The following TMEM179 variants were observed in gnomAD, a reference collection of about 807,000 sequenced individuals.
The protein encoded by TMEM179 is transmembrane protein 179A.
TMEM179 carries 17 observed loss-of-function variants against 22.2 expected under a neutral mutation model. The ratio of observed to expected loss-of-function variants is 0.77; its 90% CI spans 0.52 to 1.15. The LOEUF (loss-of-function observed/expected upper bound fraction) is 1.15. Among genes scored for constraint, TMEM179 ranks in the 50% most tolerant of loss-of-function variants. TMEM179 has a pLI of 0.00. For synonymous variants in TMEM179, 127 were observed against 140.5 expected, an observed-to-expected ratio of 0.90 and a Z score of 0.68; for missense variants, 265 against 313.6, an observed-to-expected ratio of 0.84 and a Z score of 1.17.
Position 104,597,016 on chromosome 14 carries a change from G to A in TMEM179, c.417C>T (p.Ile139=), listed in dbSNP as rs1887048444. 5 of 1,608,934 alleles carry A rather than the reference G, an allele frequency of 3.1e-6. No individual in the cohort carries two copies. The East Asian group carries it at 1.1e-4, about 36-fold the overall frequency. Residue 139 remains isoleucine (I), a synonymous_variant, in exon 2 of 4, where the codon ATC becomes ATT. Transcript: ENST00000556573. This position sits in a 1 kb window ranked among gnomAD's most constrained non-coding sequence, Gnocchi z 4.8. ...SVGFTMWCDT[I]TEKGTVPHSC... is the part of the protein sequence containing the mutation. ...TGTGGGGTACGGTGCCCTTCTCGGT[G>A]ATGGTGTCGCACCACATGGTGAAGC... is the stretch of plus-strand genomic sequence containing the variant.
chr14:104,603,623 T>G, intron 1 of TMEM179, among the ~76,000 whole-genome samples: 1 of 106,738 alleles, frequency 9.4e-6, no homozygotes, highest in African/African-American at 3.7e-5. Flanking sequence ...AGGTGGTAGA[T>G]GGGCTCACAG....
At chr14:104,598,229 T>G in intron 1 of TMEM179, among the ~76,000 whole-genome samples, 1 of 151,208 alleles carries the variant, frequency 6.6e-6, no homozygotes, top group African/African-American at 2.4e-5. Flanking sequence ...GGAGAGGGGG[T>G]AGGGATAGGG....
intron 3 of TMEM179, chr14:104,594,873 C>G (rs1886964289): frequency 7.6e-7 from 1 of 1,322,888 alleles, no homozygotes; most frequent in East Asian, 3.2e-5. Flanking sequence ...TCTGGCACCA[C>G]CTCCCCCCAC....
rs1439222584 is a variant in TMEM179 at position 104,591,301 on chromosome 14, C to T, written c.*2178G>A. ...CCTCAGGTTCCAGAAGCCACCCCTG[C>T]CTCCTGCCCCTCCTTCAGGGCCCTA... On this transcript the variant is annotated 3_prime_UTR_variant, in exon 4 of 4. Coordinates refer to ENST00000556573, the MANE Select transcript of TMEM179 (RefSeq NM_001286389.2). 2.2e-6 allele frequency: 1 copy of T among 447,984 alleles called. No individual in the cohort carries two copies. Among genetic ancestry groups the T allele is most frequent in the Non-Finnish European group, 4.5e-6 (1 of 224,076 alleles). The allele number at this position is 447,984 out of a possible 1,614,324, so 27.8% of individuals were successfully genotyped here.
Position 104,595,314 on chromosome 14 carries a change from G to T in TMEM179, c.444-71C>A. 2.1e-6 allele frequency: 3 copies of T among 1,459,958 alleles called. No homozygotes were observed. Among genetic ancestry groups the T allele is most frequent in the Non-Finnish European group, 2.8e-6 (3 of 1,065,314 alleles). The allele number at this position is 1,459,958 out of a possible 1,614,324, so 90.4% of individuals were successfully genotyped here. A position where few individuals can be genotyped will look rare whatever the true frequency, so the allele number is the denominator to read the frequency against. On this transcript the variant is annotated intron_variant, in intron 2 of 3. Coordinates refer to ENST00000556573, the MANE Select transcript of TMEM179 (RefSeq NM_001286389.2). The surrounding 1 kb of genome is among the most constrained non-coding windows in gnomAD (Gnocchi z 5.7). ...AGTGCGGGACATGGCTGAGCCGCTG[G>T]CCAGAGAGCCAGGAGCTTTGCCCTA...
At chr14:104,603,253 A>AC in intron 1 of TMEM179, among the ~76,000 whole-genome samples, 1 of 152,088 alleles carries the variant, frequency 6.6e-6, no homozygotes, top group South Asian at 2.1e-4. Flanking sequence ...AGCCAAAACC[A>AC]AGCGGTGGGC....
chr14:104,593,989 C>T, intron 3 of TMEM179: 1 of 1,174,336 alleles, frequency 8.5e-7, no homozygotes, highest in Non-Finnish European at 1.1e-6. Context: ...GTGCTTTCTC[C>T]TCCAGCAGCT....
chr14:104,602,950 G>T (rs1887288939), intron 1 of TMEM179, among the ~76,000 whole-genome samples: 1 of 152,212 alleles, frequency 6.6e-6, no homozygotes, highest in Admixed American at 6.5e-5. Flanking sequence ...CTGGATCTCA[G>T]GATATCTCCC....
chr14:104,600,632 A>G (rs1286183698), intron 1 of TMEM179, among the ~76,000 whole-genome samples: 2 of 152,186 alleles, frequency 1.3e-5, no homozygotes, highest in African/African-American at 4.8e-5. Context: ...TCATTCATTC[A>G]TTCATTCACT....
intron 1 of TMEM179, among the ~76,000 whole-genome samples, chr14:104,600,611 T>C (rs1397032547): frequency 1.3e-5 from 2 of 150,854 alleles, no homozygotes; most frequent in African/African-American, 5.0e-5. Context: ...TTCATTCATT[T>C]ACTCATTCAT....
In TMEM179 at chr14:104,591,456, G is replaced by A. The variant is rs943530854; in HGVS notation, c.*2023C>T. 1.1e-5 allele frequency: 5 copies of A among 455,424 alleles called. No homozygotes were observed. Among genetic ancestry groups the A allele is most frequent in the African/African-American group, 1.0e-4 (5 of 50,044 alleles). 28.2% of individuals were successfully genotyped at this position (455,424 alleles called of 1,614,324 possible). ...CATGTCCAGTGGGTCAGGGCTGGAA[G>A]GGGAGACAGGGGACCCCATCAGCTT... On this transcript the variant is annotated 3_prime_UTR_variant, in exon 4 of 4. Transcript: ENST00000556573.
At position 104,591,487 on chromosome 14, in the gene TMEM179, G is replaced by A. The variant is rs1466121656; in HGVS notation, c.*1992C>T. 2 of 449,888 alleles carry A rather than the reference G, an allele frequency of 4.4e-6. No individual in the cohort carries two copies. Among genetic ancestry groups the A allele is most frequent in the East Asian group, 7.0e-5 (1 of 14,346 alleles). The allele number at this position is 449,888 out of a possible 1,614,324, so 27.9% of individuals were successfully genotyped here. ...ACAGGGGACCCCATCAGCTTAGGGG[G>A]CCTCGGATTCTGTCCAAACCCCTTC... On this transcript the variant is annotated 3_prime_UTR_variant, in exon 4 of 4. Transcript: ENST00000556573.
chr14:104,604,404 AG>A lies in TMEM179; in HGVS notation c.305+32del. The A allele has an allele frequency of 6.8e-7, 1 of 1,471,572 alleles. No homozygotes were observed. Among genetic ancestry groups the A allele is most frequent in the Non-Finnish European group, 8.9e-7 (1 of 1,118,652 alleles). 91.2% of individuals were successfully genotyped at this position (1,471,572 alleles called of 1,614,324 possible). On this transcript the variant is annotated intron_variant, in intron 1 of 3. Transcript: ENST00000556573. The surrounding 1 kb of genome is among the most constrained non-coding windows in gnomAD (Gnocchi z 4.6). The stretch of plus-strand genomic sequence containing the variant: ...GGTCTGGGGGCGCTGGGGGCATGGA[AG>A]GGGCGCCGCGCCGGGAGCGGCCCCC...
At chr14:104,596,152 G>A (rs183522444) in intron 2 of TMEM179, among the ~76,000 whole-genome samples, 35 of 152,360 alleles carry the variant, frequency 2.3e-4, no homozygotes, top group African/African-American at 7.7e-4. Flanking sequence ...GTGGAGGCAC[G>A]GAACAGACAG....
Position 104,604,566 on chromosome 14 carries a change from C to T in TMEM179, c.176G>A (p.Arg59His). The change falls in exon 1 of 4, where the codon CGC (arginine) becomes CAC (histidine). Residue 59 changes from arginine to histidine, a missense_variant. Arg to His is a conservative substitution (Grantham distance 29). Coordinates refer to ENST00000556573, the MANE Select transcript of TMEM179 (RefSeq NM_001286389.2). The surrounding 1 kb of genome is among the most constrained non-coding windows in gnomAD (Gnocchi z 4.6). Reference protein sequence around the residue: ...SANLTVQERERFTVQEWGPPA... With the variant: ...SANLTVQEREHFTVQEWGPPA... ...CGGGCCCCACTCCTGCACCGTGAAG[C>T]GCTCGCGCTCCTGCACCGTGAGGTT... 6.5e-7 allele frequency: 1 copy of T among 1,532,862 alleles called. No individual in the cohort carries two copies. 95.0% of individuals were successfully genotyped at this position (1,532,862 alleles called of 1,614,324 possible). A position where few individuals can be genotyped will look rare whatever the true frequency, so the allele number is the denominator to read the frequency against.
At position 104,597,143 on chromosome 14, in the gene TMEM179, G is replaced by A; in HGVS notation, c.306-16C>T. The stretch of plus-strand genomic sequence containing the variant: ...GAAGAAGGAGCTGCAGCCAGAAACA[G>A]GAGGGGCAGGCTCACTGGACACCAC... On this transcript the variant is annotated splice_polypyrimidine_tract_variant and intron_variant, in intron 1 of 3. Coordinates refer to ENST00000556573, the MANE Select transcript of TMEM179 (RefSeq NM_001286389.2). The surrounding 1 kb of genome is among the most constrained non-coding windows in gnomAD (Gnocchi z 4.8). 2 of 1,572,504 alleles carry A rather than the reference G, an allele frequency of 1.3e-6. No homozygotes were observed. Among genetic ancestry groups the A allele is most frequent in the African/African-American group, 1.3e-5 (1 of 74,236 alleles).
intron 1 of TMEM179, among the ~76,000 whole-genome samples, chr14:104,600,679 ACAC>A (rs1213200763): frequency 3.9e-5 from 6 of 152,302 alleles, no homozygotes; most frequent in Non-Finnish European, 8.8e-5. Flanking sequence ...CATCAAGATG[ACAC>A]TCCTCTGCAA....
In TMEM179 at chr14:104,604,445, T is replaced by C. The variant is rs373066395; in HGVS notation, c.297A>G (p.Gly99=). The C allele has an allele frequency of 9.5e-4, 1,487 of 1,573,114 alleles. 18 individuals are homozygous for C. In the African/African-American group the frequency reaches 0.018, roughly 19 times the overall value. Residue 99 remains glycine (G), a synonymous_variant, in exon 1 of 4, where the codon GGA becomes GGG. Transcript: ENST00000556573. This position sits in a 1 kb window ranked among gnomAD's most constrained non-coding sequence, Gnocchi z 4.6. ...GAGCGGCCCCCACTTACCCCTCGTG[T>C]CCCTTGCAGAGGAAGAAGAGCGTGC... is the stretch of plus-strand genomic sequence containing the variant. ...AWRTLFFLCK[G]HEGSFFSAFL... is the part of the protein sequence containing the mutation.
At chr14:104,594,010 G>A (rs902456999) in intron 3 of TMEM179, 163 of 1,210,054 alleles carry the variant, frequency 1.3e-4, no homozygotes, top group Middle Eastern at 3.2e-4. Flanking sequence ...CCGGCCTGTC[G>A]GCTCTAAGGA....
Sources: gnomAD v4.1 joint callset for allele counts (sites outside exome capture counted in the v4.1 genomes callset) on GRCh38, gnomAD v4.1.1 for gene constraint, Gnocchi (gnomAD v3.1) non-coding constraint, MANE v1.5 for transcripts, NCBI Gene and HGNC (gene_info 2026-07-23, HGNC 2026-07-21) for gene names.